MAGI2: variants seen among roughly 807,000 people sequenced by gnomAD.
The protein encoded by MAGI2 is membrane associated guanylate kinase, WW and PDZ domain containing 2, also known as membrane-associated guanylate kinase, WW and PDZ domain-containing protein 2.
MAGI2 carries 35 observed loss-of-function variants against 133.3 expected under a neutral mutation model. The ratio of observed to expected loss-of-function variants is 0.26; its 90% confidence interval spans 0.20 to 0.35. The LOEUF (loss-of-function observed/expected upper bound fraction) is 0.35. Ranked by LOEUF, MAGI2 falls within the 10% of genes least tolerant of loss-of-function variation. The pLI is 1.00. For missense variants in MAGI2, 1,636 were observed against 1,863.4 expected, an observed-to-expected ratio of 0.88 and a Z score of 2.25; for synonymous variants, 729 against 710.6, an observed-to-expected ratio of 1.03 and a Z score of -0.41.
intron 2 of MAGI2, among the ~76,000 whole-genome samples, chr7:78,685,203 T>C (rs1043413263): frequency 2.0e-5 from 3 of 152,220 alleles, no homozygotes; most frequent in Admixed American, 6.5e-5. Context: ...GCTTTTCTAA[T>C]GTTGAACCTC....
intron 1 of MAGI2, among the ~76,000 whole-genome samples, chr7:79,183,643 A>G (rs768411327): frequency 3.8e-4 from 58 of 152,002 alleles, no homozygotes; most frequent in Middle Eastern, 3.4e-3. Context: ...TAATTATGCA[A>G]AAGTATTGAA....
At chr7:78,945,471 G>A (rs370598216) in intron 2 of MAGI2, among the ~76,000 whole-genome samples, 6 of 152,120 alleles carry the variant, frequency 3.9e-5, no homozygotes, top group African/African-American at 1.4e-4. Flanking sequence ...ATTAATAAAT[G>A]CATTACCTAA....
intron 2 of MAGI2, among the ~76,000 whole-genome samples, chr7:78,720,989 GA>G (rs1820215527): frequency 6.6e-6 from 1 of 152,016 alleles, no homozygotes; most frequent in Admixed American, 6.6e-5. Flanking sequence ...CTGAAATGGA[GA>G]TACAGGGGGC....
chr7:78,256,187 A>G lies in MAGI2; in HGVS notation c.1803T>C (p.Ala601=). 1 of 1,614,000 alleles carries G rather than the reference A, an allele frequency of 6.2e-7. No individual in the cohort carries two copies. The highest frequency in any genetic ancestry group is 8.5e-7 in the Non-Finnish European group (1 of 1,179,994). Residue 601 remains alanine, a synonymous_variant, in exon 10 of 22, where the codon GCT becomes GCC. Coordinates refer to ENST00000354212, the MANE Select transcript of MAGI2 (RefSeq NM_012301.4). ...TCACAATGGTTAAGGTCATAAGTTC[A>G]GCTTGGGTGGCCCCAGATGAAGCCA... ...VSMASSGATQ[A]ELMTLTIVKG...
chr7:78,321,163 A>G (rs1032927418), intron 9 of MAGI2, among the ~76,000 whole-genome samples: 16 of 152,226 alleles, frequency 1.1e-4, no homozygotes, highest in African/African-American at 3.9e-4. Flanking sequence ...ATGGATAGGA[A>G]GAATCAGTAT....
chr7:78,896,994 G>A (rs1797264910), intron 2 of MAGI2, among the ~76,000 whole-genome samples: 2 of 152,194 alleles, frequency 1.3e-5, no homozygotes, highest in African/African-American at 4.8e-5. Context: ...AAGAAACCCA[G>A]AATACTTGTT....
intron 16 of MAGI2, among the ~76,000 whole-genome samples, chr7:78,149,885 A>T (rs1159981193): frequency 6.6e-6 from 1 of 152,178 alleles, no homozygotes; most frequent in Non-Finnish European, 1.5e-5. Flanking sequence ...GATCTTGGAG[A>T]GGTCAGATTG....
At chr7:78,823,896 C>T (rs959854046) in intron 2 of MAGI2, among the ~76,000 whole-genome samples, 14 of 148,334 alleles carry the variant, frequency 9.4e-5, no homozygotes, top group Non-Finnish European at 1.3e-4. Context: ...ATTATCTTCT[C>T]TTGGATTTCA....
intron 1 of MAGI2, among the ~76,000 whole-genome samples, chr7:79,352,489 T>G (rs946901766): frequency 6.6e-6 from 1 of 152,144 alleles, no homozygotes; most frequent in Non-Finnish European, 1.5e-5. Context: ...TCCAGGCAGT[T>G]CTGAAATGTG....
At chr7:79,080,326 C>T (rs1418012107) in intron 1 of MAGI2, among the ~76,000 whole-genome samples, 1 of 152,042 alleles carries the variant, frequency 6.6e-6, no homozygotes, top group Non-Finnish European at 1.5e-5. Flanking sequence ...TTAAAGTATA[C>T]TGGGCAGCTC....
chr7:79,271,338 G>A lies in MAGI2; in HGVS notation c.301+181682C>T, dbSNP rs141893908. Among the ~76,000 whole-genome samples the A allele has an allele frequency of 5.1e-3, 775 of 152,086 alleles. 36 individuals carry two copies. Among genetic ancestry groups the A allele is most frequent in the Admixed American group, 0.045 (684 of 15,258 alleles). On this transcript the variant is annotated intron_variant, in intron 1 of 21. Coordinates refer to ENST00000354212, the MANE Select transcript of MAGI2 (RefSeq NM_012301.4). ...AACATGTTTTATATCAGCATTTTACGTCTAGCACTTGGTGAATGAGGCACC... is the reference window on the plus strand; with the variant it reads ...AACATGTTTTATATCAGCATTTTACATCTAGCACTTGGTGAATGAGGCACC...
chr7:78,916,117 A>T (rs992375372), intron 2 of MAGI2, among the ~76,000 whole-genome samples: 2 of 152,092 alleles, frequency 1.3e-5, no homozygotes, highest in Non-Finnish European at 2.9e-5. Context: ...CAAAACCTAC[A>T]ACTTAACAAT....
intron 1 of MAGI2, among the ~76,000 whole-genome samples, chr7:79,382,133 C>T (rs764831059): frequency 2.0e-5 from 3 of 151,578 alleles, no homozygotes; most frequent in Non-Finnish European, 3.0e-5. Flanking sequence ...AGTCTTGAAT[C>T]TAAATCTTAC....
chr7:79,221,565 TGGAA>T (rs1406070455), intron 1 of MAGI2, among the ~76,000 whole-genome samples: 4 of 151,954 alleles, frequency 2.6e-5, no homozygotes, highest in Non-Finnish European at 4.4e-5. Flanking sequence ...GCTGATCACA[TGGAA>T]GGAGCTGAAG....
At chr7:79,431,800 G>C (rs1468257008) in intron 1 of MAGI2, among the ~76,000 whole-genome samples, 1 of 152,076 alleles carries the variant, frequency 6.6e-6, no homozygotes, top group Non-Finnish European at 1.5e-5. Flanking sequence ...ACCTATCTAG[G>C]GAATTGGTTC....
At chr7:78,884,593 A>G (rs1168396445) in intron 2 of MAGI2, among the ~76,000 whole-genome samples, 1 of 152,206 alleles carries the variant, frequency 6.6e-6, no homozygotes, top group Non-Finnish European at 1.5e-5. Context: ...TAATCATCAA[A>G]GAAATACAAA....
At chr7:78,429,812 A>G (rs1002431557) in intron 6 of MAGI2, among the ~76,000 whole-genome samples, 1 of 152,120 alleles carries the variant, frequency 6.6e-6, no homozygotes, top group Non-Finnish European at 1.5e-5. Flanking sequence ...TGTTTTACTC[A>G]TATTTATTTT....
At chr7:78,189,696 G>A (rs1358552842) in intron 12 of MAGI2, among the ~76,000 whole-genome samples, 1 of 152,198 alleles carries the variant, frequency 6.6e-6, no homozygotes, top group African/African-American at 2.4e-5. Flanking sequence ...AGAGTTTCAG[G>A]AAATAAGAAT....
chr7:78,165,396 G>A lies in MAGI2; in HGVS notation c.2596+2520C>T, dbSNP rs138119703. ...AACTTAATATTTGGGGCAAGTTTTT[G>A]TGTTATCTTAGTTTTTGCTCAGTGT... On this transcript the variant is annotated intron_variant, in intron 15 of 21. Transcript: ENST00000354212. Among the ~76,000 whole-genome samples the A allele has an allele frequency of 7.2e-5, 11 of 152,288 alleles. No homozygotes were observed. The East Asian group carries it at 2.1e-3, about 29-fold the overall frequency.
Sources: allele counts gnomAD v4.1 joint callset (sites outside exome capture counted in the v4.1 genomes callset), GRCh38; gene constraint gnomAD v4.1.1; transcripts MANE v1.5; gene names NCBI Gene and HGNC (gene_info 2026-07-23, HGNC 2026-07-21).